Variants in EPSTI1 observed in about 807,000 individuals in gnomAD.
EPSTI1 encodes the protein epithelial-stromal interaction protein 1.
EPSTI1 carries 66 observed loss-of-function variants against 49.9 expected under a neutral mutation model. That is an observed-to-expected ratio of 1.32 (90% CI 1.08 to 1.62). EPSTI1 has a LOEUF of 1.62. Among genes scored for constraint, EPSTI1 ranks in the 40% most tolerant of loss-of-function variants. The pLI, the probability that EPSTI1 is intolerant of heterozygous loss-of-function variation, is 0.00. For synonymous variants in EPSTI1, 137 were observed against 130.7 expected, an observed-to-expected ratio of 1.05 and a Z score of -0.33; for missense variants, 394 against 365.5, an observed-to-expected ratio of 1.08 and a Z score of -0.64.
chr13:42,981,537 GACC>G (rs1340848770), intron 1 of EPSTI1, among the ~76,000 whole-genome samples: 1 of 152,180 alleles, frequency 6.6e-6, no homozygotes, highest in Non-Finnish European at 1.5e-5. Flanking sequence ...AGGCTTGGCA[GACC>G]ACAAATGCGT....
chr13:42,929,281 C>T (rs1398287470), intron 6 of EPSTI1, among the ~76,000 whole-genome samples: 1 of 152,236 alleles, frequency 6.6e-6, no homozygotes. Flanking sequence ...AAGTACCAAA[C>T]ATCATCTCCT....
chr13:42,979,584 CAAAA>C (rs144646467), intron 1 of EPSTI1, among the ~76,000 whole-genome samples: 18 of 81,032 alleles, frequency 2.2e-4, no homozygotes, highest in South Asian at 8.8e-4. Flanking sequence ...GACTCCGTCT[CAAAA>C]AAAAAAAAAA....
chr13:42,928,849 C>T (rs1280610596), intron 6 of EPSTI1, among the ~76,000 whole-genome samples: 1 of 152,186 alleles, frequency 6.6e-6, no homozygotes, highest in Non-Finnish European at 1.5e-5. Flanking sequence ...AATGCCACAT[C>T]CAGTACTAAC....
At chr13:42,963,502 C>T (rs140796037) in intron 4 of EPSTI1, 164 bp from the exon 5 acceptor site, 50 of 594,846 alleles carry the variant, frequency 8.4e-5, no homozygotes, top group East Asian at 7.5e-4. Context: ...AGAGAATGGC[C>T]GGGCTACGTC....
At chr13:42,919,218 A>G in intron 7 of EPSTI1, 1 of 1,329,440 alleles carries the variant, frequency 7.5e-7, no homozygotes, top group Non-Finnish European at 1.1e-6. Flanking sequence ...GGTGCCTTAT[A>G]AAGGTCCACA....
In EPSTI1 at chr13:42,988,163, C is replaced by T. The variant is rs565165909; in HGVS notation, c.188+3815G>A. 2.0e-5 allele frequency among the ~76,000 whole-genome samples: 3 copies of T among 152,204 alleles called. No homozygotes were observed. The South Asian group carries it at 6.2e-4, about 32-fold the overall frequency. ...ACCAGCACAGGCAAGACCCCATTTC[C>T]CAGAATTGGATAAAACTAGGTAAAT... is the stretch of plus-strand genomic sequence containing the variant. On this transcript the variant is annotated intron_variant, in intron 1 of 10. Coordinates refer to ENST00000313624, the MANE Select transcript of EPSTI1 (RefSeq NM_033255.5).
chr13:42,907,748 T>C (rs1036738444), intron 8 of EPSTI1, among the ~76,000 whole-genome samples: 1 of 152,246 alleles, frequency 6.6e-6, no homozygotes, highest in African/African-American at 2.4e-5. Flanking sequence ...TCCATTGAAA[T>C]TTATTACTAG....
chr13:42,891,687 GTCTT>G (rs1261720852), intron 10 of EPSTI1, among the ~76,000 whole-genome samples: 2 of 152,104 alleles, frequency 1.3e-5, no homozygotes, highest in Non-Finnish European at 2.9e-5. Flanking sequence ...CTGGCTCTAA[GTCTT>G]TCTATTGTGT....
chr13:42,937,921 T>C (rs1322066707), intron 6 of EPSTI1, among the ~76,000 whole-genome samples: 1 of 152,192 alleles, frequency 6.6e-6, no homozygotes, highest in Non-Finnish European at 1.5e-5. Context: ...TCACCATCTA[T>C]AGCCTTTAAA....
chr13:42,943,657 T>TA (rs1365988383), intron 6 of EPSTI1, among the ~76,000 whole-genome samples: 1 of 152,156 alleles, frequency 6.6e-6, no homozygotes, highest in African/African-American at 2.4e-5. Context: ...AACTATTTTG[T>TA]AAAAAAGGAA....
In EPSTI1 at chr13:42,968,907, G is replaced by GAAA. The variant is rs61506027; in HGVS notation, c.331+184_331+186dup. On this transcript the variant is annotated intron_variant, in intron 3 of 10. Coordinates refer to ENST00000313624, the MANE Select transcript of EPSTI1 (RefSeq NM_033255.5). ...CAGGTTTGCTACTTGCAGAAAATCA[G>GAAA]AAAAAAAAAAAAATACACACACACA... is the stretch of plus-strand genomic sequence containing the variant. 8.6e-3 allele frequency among the ~76,000 whole-genome samples: 987 copies of GAAA among 115,044 alleles called. 22 individuals are homozygous for GAAA. The highest frequency in any genetic ancestry group is 0.03 in the African/African-American group (881 of 29,020). 75.5% of individuals were successfully genotyped at this position (115,044 alleles called of 152,430 possible). A position where few individuals can be genotyped will look rare whatever the true frequency, so the allele number is the denominator to read the frequency against.
intron 9 of EPSTI1, among the ~76,000 whole-genome samples, chr13:42,896,759 T>C (rs960841839): frequency 6.6e-6 from 1 of 152,216 alleles, no homozygotes; most frequent in Non-Finnish European, 1.5e-5. Context: ...ATCTTGCTCC[T>C]GCCTACCTTT....
Position 42,917,642 on chromosome 13 carries a change from G to GAAAAAAAA in EPSTI1, c.658-26_658-19dup, listed in dbSNP as rs71202243. On this transcript the variant is annotated intron_variant, in intron 7 of 10. Transcript: ENST00000313624. ...CTTCTGGCCTGTAAAGGTACAAAGA[G>GAAAAAAAA]AAAAAAAAAAAAAAAAACAACTTGA... is the stretch of plus-strand genomic sequence containing the variant. 4.6e-4 allele frequency: 198 copies of GAAAAAAAA among 426,428 alleles called. No homozygotes were observed. The highest frequency in any genetic ancestry group is 7.9e-4 in the South Asian group (33 of 41,856). The allele number at this position is 426,428 out of a possible 1,614,324, so 26.4% of individuals were successfully genotyped here.
At chr13:42,975,999 C>T (rs2039874752) in intron 1 of EPSTI1, among the ~76,000 whole-genome samples, 1 of 152,164 alleles carries the variant, frequency 6.6e-6, no homozygotes, top group South Asian at 2.1e-4. Flanking sequence ...GTAAAAATAA[C>T]TGTCAGAAAT....
chr13:42,958,785 A>G lies in EPSTI1; in HGVS notation c.489+4470T>C, dbSNP rs1032026241. ...TAATTGGGTTTGGTTCCCAGTTACA[A>G]TGCAAAGAAAAAAAATGCTGGGCAT... On this transcript the variant is annotated intron_variant, in intron 5 of 10. Coordinates refer to ENST00000313624, the MANE Select transcript of EPSTI1 (RefSeq NM_033255.5). 2.7e-4 allele frequency among the ~76,000 whole-genome samples: 21 copies of G among 77,454 alleles called. No individual in the cohort carries two copies. In the Middle Eastern group the frequency reaches 0.043, roughly 160 times the overall value. The allele number at this position is 77,454 out of a possible 152,430, so 50.8% of individuals were successfully genotyped here. A position where few individuals can be genotyped will look rare whatever the true frequency, so the allele number is the denominator to read the frequency against.
rs1453728470 is a variant in EPSTI1, at chr13:42,983,925, G to A, written c.188+8053C>T. ...AGGGGTACCCAGTTTAATTTTTCCA[G>A]ATCATAACTAATTTACTTTATGCTA... is the stretch of plus-strand genomic sequence containing the variant. On this transcript the variant is annotated intron_variant, in intron 1 of 10. Transcript: ENST00000313624. Among the ~76,000 whole-genome samples, 3 of 152,212 alleles carry A rather than the reference G, an allele frequency of 2.0e-5. No homozygotes were observed. In the East Asian group the frequency reaches 5.8e-4, roughly 29 times the overall value.
intron 10 of EPSTI1, chr13:42,889,112 C>A: frequency 1.0e-6 from 1 of 975,522 alleles, no homozygotes; most frequent in South Asian, 1.5e-5. Context: ...TTAACTGCCC[C>A]TGAAGACATA....
At chr13:42,947,160 G>A (rs1277544790) in intron 6 of EPSTI1, among the ~76,000 whole-genome samples, 1 of 152,076 alleles carries the variant, frequency 6.6e-6, no homozygotes, top group African/African-American at 2.4e-5. Flanking sequence ...TTACTCAAGA[G>A]GTGGTTTGGC....
intron 7 of EPSTI1, among the ~76,000 whole-genome samples, chr13:42,923,598 C>A (rs1310430441): frequency 6.6e-6 from 1 of 152,100 alleles, no homozygotes; most frequent in African/African-American, 2.4e-5. Flanking sequence ...GGCAGCAAAC[C>A]AGAGACTAGA....
Sources: gnomAD v4.1 joint callset for allele counts (sites outside exome capture counted in the v4.1 genomes callset) on GRCh38, gnomAD v4.1.1 for gene constraint, MANE v1.5 for transcripts, NCBI Gene and HGNC (gene_info 2026-07-23, HGNC 2026-07-21) for gene names.